Variants in PKD1L3 observed in about 807,000 individuals in gnomAD.
The protein encoded by PKD1L3 is polycystin-1-like protein 3.
A neutral mutation model predicts 184.1 loss-of-function variants in PKD1L3; 239 were observed. The ratio of observed to expected loss-of-function variants is 1.30; its 90% CI spans 1.17 to 1.45. The LOEUF is 1.45. PKD1L3 is among the 40% of genes most tolerant of loss of function. The probability of loss-of-function intolerance (pLI) is 0.00; values close to 1 mark genes in which losing one functional copy is unlikely to be tolerated. For synonymous variants in PKD1L3, 996 were observed against 778.8 expected, an observed-to-expected ratio of 1.28 and a Z score of -4.64; for missense variants, 2,660 against 2,067.2, an observed-to-expected ratio of 1.29 and a Z score of -5.56.
At chr16:71,945,911 A>G (rs1402711044) in intron 22 of PKD1L3, among the ~76,000 whole-genome samples, 1 of 152,192 alleles carries the variant, frequency 6.6e-6, no homozygotes, top group Non-Finnish European at 1.5e-5. Context: ...AGGCAGAGAA[A>G]CCAACAGTTC....
chr16:71,951,819 A>C, intron 18 of PKD1L3, 75 bp from the exon 19 acceptor site: 1 of 1,345,426 alleles, frequency 7.4e-7, no homozygotes, highest in Non-Finnish European at 1.0e-6. Flanking sequence ...ACAGGTGGTA[A>C]GGCCGTTCCC....
intron 10 of PKD1L3, 36 bp downstream of exon 10, chr16:71,978,217 ATT>A: frequency 6.5e-7 from 1 of 1,531,604 alleles, no homozygotes; most frequent in Non-Finnish European, 8.8e-7. Context: ...AGAATATCCC[ATT>A]CTCTTCTATT....
At chr16:71,992,540 G>T (rs2040629807) in intron 3 of PKD1L3, among the ~76,000 whole-genome samples, 1 of 152,126 alleles carries the variant, frequency 6.6e-6, no homozygotes, top group African/African-American at 2.4e-5. Context: ...TCCAAAATAT[G>T]TCATCTTTAC....
rs1012349795 is a variant in PKD1L3, at chr16:71,946,629, G to A, written c.3718+863C>T. Among the ~76,000 whole-genome samples, 5 of 151,254 alleles carry A rather than the reference G, an allele frequency of 3.3e-5. No individual in the cohort carries two copies. In the South Asian group the frequency reaches 8.4e-4, roughly 25 times the overall value. Reference sequence around the variant, plus strand: ...GTGACTAAATGTGGAAACTAACAGAGGAATTTAGGATTATGTACTCCGACT... The same window carrying A: ...GTGACTAAATGTGGAAACTAACAGAAGAATTTAGGATTATGTACTCCGACT... On this transcript the variant is annotated intron_variant, in intron 22 of 29. Coordinates refer to ENST00000620267, the MANE Select transcript of PKD1L3 (RefSeq NM_181536.2).
At chr16:71,945,305 T>TACACAC (rs377392088) in intron 22 of PKD1L3, among the ~76,000 whole-genome samples, 3 of 59,396 alleles carry the variant, frequency 5.1e-5, no homozygotes, top group African/African-American at 1.9e-4. Flanking sequence ...TATATATATA[T>TACACAC]ACACACACAC....
chr16:71,975,451 A>G (rs1420742487), intron 11 of PKD1L3, among the ~76,000 whole-genome samples: 1 of 152,170 alleles, frequency 6.6e-6, no homozygotes, highest in Non-Finnish European at 1.5e-5. Context: ...GCATACTGAG[A>G]TATCATCAGG....
rs372057702 is a variant in PKD1L3 at position 71,931,631 on chromosome 16, A to G, written c.4927-1448T>C. ...AGGTTCCCACCACCATGCCTGGCTA[A>G]TTTTTGTATTTTAGTAGAGACGGGA... On this transcript the variant is annotated intron_variant, in intron 28 of 29. Transcript: ENST00000620267. Among the ~76,000 whole-genome samples, 25 of 151,602 alleles carry G rather than the reference A, an allele frequency of 1.6e-4. 1 individual carries two copies. The highest frequency in any genetic ancestry group is 9.9e-4 in the Admixed American group (15 of 15,208).
chr16:71,959,024 T>G (rs1216747177), intron 16 of PKD1L3, among the ~76,000 whole-genome samples: 4 of 136,632 alleles, frequency 2.9e-5, no homozygotes, highest in Non-Finnish European at 6.0e-5. Flanking sequence ...GCAGAGGTTA[T>G]AGTAAGCTGA....
At chr16:71,939,225 G>T (rs192116506) in intron 24 of PKD1L3, among the ~76,000 whole-genome samples, 3 of 152,248 alleles carry the variant, frequency 2.0e-5, no homozygotes. Flanking sequence ...AGCAGCCAGC[G>T]TGCCTGGCTG....
At chr16:71,934,158 A>G (rs2038092832) in intron 26 of PKD1L3, 33 bp from the exon 27 acceptor site, 8 of 1,546,350 alleles carry the variant, frequency 5.2e-6, no homozygotes, top group Non-Finnish European at 7.0e-6. Context: ...TTACTCAGCA[A>G]GAAGTATGTG....
At position 71,973,450 on chromosome 16, in the gene PKD1L3, T is replaced by TGTTA. The variant is rs1281206645; in HGVS notation, c.1823_1826dup (p.Ala610AsnfsTer6). ...CCTCCTGCCTCTCACTCAGCACAGC[T>TGTTA]GTTATATAGTAGGTGCCAATCCCGT... On this transcript the variant is annotated frameshift_variant, in exon 12 of 30. Transcript: ENST00000620267. LOFTEE classifies it high-confidence loss of function. The TGTTA allele has an allele frequency of 6.4e-7, 1 of 1,551,812 alleles. No homozygotes were observed. Among genetic ancestry groups the TGTTA allele is most frequent in the Non-Finnish European group, 8.7e-7 (1 of 1,147,026 alleles).
rs573017735 is a variant in PKD1L3 at position 71,992,978 on chromosome 16, G to A, written c.535+238C>T. Among the ~76,000 whole-genome samples, 14 of 152,298 alleles carry A rather than the reference G, an allele frequency of 9.2e-5. No individual in the cohort carries two copies. The East Asian group carries it at 2.7e-3, about 29-fold the overall frequency. Reference sequence around the variant, plus strand: ...ACTTTGTTGATGAAAAATTTTGTGGGAATAAAACCTTGTCTTTTATTTGGG... The same window carrying A: ...ACTTTGTTGATGAAAAATTTTGTGGAAATAAAACCTTGTCTTTTATTTGGG... On this transcript the variant is annotated intron_variant, in intron 3 of 29. Coordinates refer to ENST00000620267, the MANE Select transcript of PKD1L3 (RefSeq NM_181536.2).
chr16:71,994,017 G>A (rs1287216731), intron 2 of PKD1L3, among the ~76,000 whole-genome samples: 2 of 152,094 alleles, frequency 1.3e-5, no homozygotes, highest in Admixed American at 6.6e-5. Flanking sequence ...TAATGTGCCC[G>A]CCTTGGCCTC....
chr16:71,950,925 T>C (rs2038806702), intron 19 of PKD1L3, among the ~76,000 whole-genome samples: 1 of 151,138 alleles, frequency 6.6e-6, no homozygotes, highest in Non-Finnish European at 1.5e-5. Context: ...GTATTTTTAG[T>C]AGAGACAGGG....
At chr16:71,940,624 T>A (rs1385520472) in intron 24 of PKD1L3, among the ~76,000 whole-genome samples, 1 of 151,194 alleles carries the variant, frequency 6.6e-6, no homozygotes, top group African/African-American at 2.4e-5. Context: ...CTCAGCCTCC[T>A]GAGTAGCTGG....
chr16:71,970,425 A>G (rs973736910), intron 12 of PKD1L3, among the ~76,000 whole-genome samples: 2 of 152,228 alleles, frequency 1.3e-5, no homozygotes, highest in Non-Finnish European at 2.9e-5. Context: ...AAAATAGGAA[A>G]CAACTTACAT....
chr16:71,953,992 G>A, intron 17 of PKD1L3, 113 bp downstream of exon 17: 5 of 867,946 alleles, frequency 5.8e-6, no homozygotes, highest in Non-Finnish European at 8.2e-6. Flanking sequence ...GAGGCAGGAG[G>A]ATCACTTGAG....
chr16:71,944,037 A>G lies in PKD1L3; in HGVS notation c.3852T>C (p.Asp1284=). The change falls in exon 23 of 30, where the codon GAT becomes GAC. Residue 1284 remains aspartate (D), a synonymous_variant. Coordinates refer to ENST00000620267, the MANE Select transcript of PKD1L3 (RefSeq NM_181536.2). ...KKKKLFKLTG[D]ILVQILFLTL... ...GCCATTTCCTCTCCATACCCAAAAT[A>G]TCTCCAGTCAGCTTGAAGAGTTTCT... 6.4e-7 allele frequency: 1 copy of G among 1,551,266 alleles called. No individual in the cohort carries two copies. Among genetic ancestry groups the G allele is most frequent in the East Asian group, 2.4e-5 (1 of 40,908 alleles).
intron 21 of PKD1L3, among the ~76,000 whole-genome samples, chr16:71,947,919 TC>T (rs1567501758): frequency 1.3e-5 from 1 of 75,642 alleles, no homozygotes; most frequent in African/African-American, 3.9e-5. Flanking sequence ...AGATCCAGAC[TC>T]TTTTTTTTTT....
Sources: gnomAD v4.1 joint callset for allele counts (sites outside exome capture counted in the v4.1 genomes callset) on GRCh38, gnomAD v4.1.1 for gene constraint, MANE v1.5 for transcripts, NCBI Gene and HGNC (gene_info 2026-07-23, HGNC 2026-07-21) for gene names.